Variants in ZNF385B observed in about 807,000 individuals in gnomAD.
The protein encoded by ZNF385B is zinc finger protein 385B, also known as zinc finger protein 533.
In ZNF385B, 23 loss-of-function variants were observed where a neutral mutation model predicts 39.2. The observed-to-expected ratio is 0.59, with a 90% CI of 0.42 to 0.83. The LOEUF (loss-of-function observed/expected upper bound fraction) is 0.83, where lower values mean the gene tolerates loss of function less well. Ranked by LOEUF, ZNF385B falls within the 40% of genes least tolerant of loss-of-function variation. The pLI, the probability that ZNF385B is intolerant of heterozygous loss-of-function variation, is 0.00. For synonymous variants in ZNF385B, 205 were observed against 222.6 expected, an observed-to-expected ratio of 0.92 and a Z score of 0.70; for missense variants, 552 against 598.9, an observed-to-expected ratio of 0.92 and a Z score of 0.82.
intron 5 of ZNF385B, among the ~76,000 whole-genome samples, chr2:179,493,755 A>ATATATGTATACATATGTGTATATG (rs752287923): frequency 8.9e-6 from 1 of 112,714 alleles, no homozygotes; most frequent in African/African-American, 3.3e-5. Flanking sequence ...ATGTGTATAT[A>ATATATGTATACATATGTGTATATG]CATATATGTA....
intron 3 of ZNF385B, among the ~76,000 whole-genome samples, chr2:179,654,672 G>T (rs1052211343): frequency 6.6e-6 from 1 of 152,074 alleles, no homozygotes; most frequent in Non-Finnish European, 1.5e-5. Context: ...AGATTTCCAG[G>T]TTTGGGGAAA....
intron 3 of ZNF385B, among the ~76,000 whole-genome samples, chr2:179,762,395 T>C (rs971401539): frequency 6.6e-5 from 10 of 152,268 alleles, no homozygotes; most frequent in Admixed American, 5.9e-4. Context: ...TTTTGCCACG[T>C]TGGCCAGGCT....
chr2:179,655,599 G>GGAGA (rs1325847167), intron 3 of ZNF385B, among the ~76,000 whole-genome samples: 3 of 150,386 alleles, frequency 2.0e-5, no homozygotes, highest in African/African-American at 4.9e-5. Flanking sequence ...AGAGAAAGAG[G>GGAGA]GAGAGAGAGA....
chr2:179,509,947 C>T (rs1357278749), intron 5 of ZNF385B, among the ~76,000 whole-genome samples: 1 of 152,160 alleles, frequency 6.6e-6, no homozygotes, highest in African/African-American at 2.4e-5. Context: ...ATCATAAGGT[C>T]ACTTTTCTGT....
chr2:179,653,965 G>A (rs1693467510), intron 3 of ZNF385B, among the ~76,000 whole-genome samples: 1 of 152,150 alleles, frequency 6.6e-6, no homozygotes, highest in Non-Finnish European at 1.5e-5. Context: ...ACAATGGTAA[G>A]GAGAAACAAA....
chr2:179,807,358 G>T (rs901370845), intron 1 of ZNF385B, among the ~76,000 whole-genome samples: 5 of 152,200 alleles, frequency 3.3e-5, no homozygotes, highest in Non-Finnish European at 7.4e-5. Context: ...AGCACTTTGG[G>T]AGGCCGAGGT....
chr2:179,492,750 T>TAGA (rs991609084), intron 5 of ZNF385B, among the ~76,000 whole-genome samples: 2 of 152,110 alleles, frequency 1.3e-5, no homozygotes, highest in Admixed American at 6.6e-5. Flanking sequence ...TACTAAAACC[T>TAGA]AGAAGATATC....
At position 179,688,801 on chromosome 2, in the gene ZNF385B, T is replaced by C. The variant is rs189241965; in HGVS notation, c.298+80702A>G. Among the ~76,000 whole-genome samples the C allele has an allele frequency of 2.6e-5, 4 of 152,328 alleles. No individual in the cohort carries two copies. The East Asian group carries it at 7.7e-4, about 29-fold the overall frequency. ...CTCTGTAACTGAAATTTTGTATACT[T>C]TGACCAACATCTTCCCAACCCCTAC... is the stretch of plus-strand genomic sequence containing the variant. On this transcript the variant is annotated intron_variant, in intron 3 of 9. Coordinates refer to ENST00000410066, the MANE Select transcript of ZNF385B (RefSeq NM_152520.6).
chr2:179,806,651 A>G (rs1253719389), intron 1 of ZNF385B, among the ~76,000 whole-genome samples: 1 of 152,186 alleles, frequency 6.6e-6, no homozygotes, highest in African/African-American at 2.4e-5. Flanking sequence ...ACATTCTCAC[A>G]TGTTAACTCA....
chr2:179,450,316 A>G (rs929519638), intron 6 of ZNF385B, among the ~76,000 whole-genome samples: 1 of 152,226 alleles, frequency 6.6e-6, no homozygotes, highest in African/African-American at 2.4e-5. Context: ...CGAACAGGCA[A>G]CCTACAGAAT....
At chr2:179,760,605 C>A (rs1480921297) in intron 3 of ZNF385B, among the ~76,000 whole-genome samples, 1 of 152,116 alleles carries the variant, frequency 6.6e-6, no homozygotes, top group Non-Finnish European at 1.5e-5. Context: ...ATCCTTGGAA[C>A]CCGTGAGTGC....
chr2:179,720,065 G>A (rs1050483477), intron 3 of ZNF385B, among the ~76,000 whole-genome samples: 1 of 152,152 alleles, frequency 6.6e-6, no homozygotes, highest in Non-Finnish European at 1.5e-5. Context: ...CAGAGCTAAT[G>A]TTCCAAACTT....
intron 4 of ZNF385B, among the ~76,000 whole-genome samples, chr2:179,541,665 A>T (rs2059926282): frequency 6.6e-6 from 1 of 152,190 alleles, no homozygotes; most frequent in Non-Finnish European, 1.5e-5. Flanking sequence ...ATACTTTAAA[A>T]ATTTGCCAAC....
chr2:179,601,699 A>G (rs988129412), intron 3 of ZNF385B, among the ~76,000 whole-genome samples: 5 of 152,204 alleles, frequency 3.3e-5, no homozygotes, highest in African/African-American at 4.8e-5. Context: ...GAGTTACTTG[A>G]AATTTTGTAT....
intron 3 of ZNF385B, among the ~76,000 whole-genome samples, chr2:179,707,535 T>C (rs1699700175): frequency 6.6e-6 from 1 of 152,168 alleles, no homozygotes; most frequent in African/African-American, 2.4e-5. Context: ...ATGCTGGGCA[T>C]TACCAAGCTC....
At chr2:179,635,463 T>C (rs6741622) in intron 3 of ZNF385B, among the ~76,000 whole-genome samples, 111,861 of 149,466 alleles carry the variant, frequency 0.75, 41,959 homozygotes, top group South Asian at 0.81. Context: ...AGCAAACCAA[T>C]ATGGCACACG....
chr2:179,814,616 C>A, intron 1 of ZNF385B: 1 of 559,560 alleles, frequency 1.8e-6, no homozygotes. Context: ...ACTGTAGGGC[C>A]CTCAATGGTG....
At chr2:179,730,315 T>C (rs1701307662) in intron 3 of ZNF385B, among the ~76,000 whole-genome samples, 1 of 152,212 alleles carries the variant, frequency 6.6e-6, no homozygotes, top group African/African-American at 2.4e-5. Context: ...TCTCTCATTC[T>C]TCTGGTCTTC....
rs374965839 is a variant in ZNF385B at position 179,758,331 on chromosome 2, G to A, written c.298+11172C>T. Among the ~76,000 whole-genome samples, 6 of 152,322 alleles carry A rather than the reference G, an allele frequency of 3.9e-5. No individual in the cohort carries two copies. In the South Asian group the frequency reaches 1.2e-3, roughly 32 times the overall value. ...TATCAGCAGATTTGGTGACTGGTAA[G>A]TGCTTGCTCTCTCCTTCCAAGATGA... On this transcript the variant is annotated intron_variant, in intron 3 of 9. Transcript: ENST00000410066.
Sources: allele counts gnomAD v4.1 joint callset (sites outside exome capture counted in the v4.1 genomes callset), GRCh38; gene constraint gnomAD v4.1.1; transcripts MANE v1.5; gene names NCBI Gene and HGNC (gene_info 2026-07-23, HGNC 2026-07-21).